The following GPM6A variants were observed in gnomAD, a reference collection of about 807,000 sequenced individuals.
The protein encoded by GPM6A is neuronal membrane glycoprotein M6-a.
Under a neutral mutation model 32.1 loss-of-function variants are expected in GPM6A, and 7 were observed. The observed-to-expected ratio is 0.22, with a 90% CI of 0.12 to 0.41. GPM6A has a LOEUF of 0.41. Among genes scored for constraint, GPM6A ranks in the 10% least tolerant of loss-of-function variants. GPM6A has a pLI of 1.00. For synonymous variants in GPM6A, 130 were observed against 123.4 expected (o/e 1.05, Z -0.35); for missense variants, 235 against 347.2 (o/e 0.68, Z 2.57).
intron 1 of GPM6A, among the ~76,000 whole-genome samples, chr4:175,927,350 A>G (rs1367521494): frequency 6.6e-6 from 1 of 152,276 alleles, no homozygotes; most frequent in Non-Finnish European, 1.5e-5. Flanking sequence ...TGTTTTCACT[A>G]TAAACAGAAG....
At chr4:175,900,405 T>C (rs931320035) in intron 1 of GPM6A, among the ~76,000 whole-genome samples, 6 of 145,468 alleles carry the variant, frequency 4.1e-5, no homozygotes, top group Non-Finnish European at 6.0e-5. Flanking sequence ...CCAGAATATA[T>C]AAGAAGCTCT....
chr4:175,893,025 A>G (rs1737692567), intron 1 of GPM6A, among the ~76,000 whole-genome samples: 1 of 152,168 alleles, frequency 6.6e-6, no homozygotes, highest in African/African-American at 2.4e-5. Flanking sequence ...TGAAAGCACT[A>G]TCTAAGCTTT....
At chr4:175,938,387 T>C (rs1042168369) in intron 1 of GPM6A, among the ~76,000 whole-genome samples, 2 of 152,234 alleles carry the variant, frequency 1.3e-5, no homozygotes, top group African/African-American at 4.8e-5. Flanking sequence ...AAAGCGTTCC[T>C]GTTTCTCCAC....
intron 1 of GPM6A, among the ~76,000 whole-genome samples, chr4:175,958,958 A>C (rs530719969): frequency 6.6e-6 from 1 of 152,358 alleles, no homozygotes; most frequent in Non-Finnish European, 1.5e-5. Flanking sequence ...GAAGAACATA[A>C]TGAGTGTCTG....
intron 1 of GPM6A, among the ~76,000 whole-genome samples, chr4:175,889,379 G>A (rs907234731): frequency 6.6e-6 from 1 of 152,062 alleles, no homozygotes; most frequent in African/African-American, 2.4e-5. Flanking sequence ...TTTAAAATTA[G>A]CCAGGCATGA....
At chr4:175,743,908 G>A (rs568447384) in intron 1 of GPM6A, among the ~76,000 whole-genome samples, 107 of 150,802 alleles carry the variant, frequency 7.1e-4, no homozygotes, top group African/African-American at 2.5e-3. Flanking sequence ...ATGAACAAAT[G>A]TAAAGTCATA....
chr4:175,815,688 A>G (rs1579534266), upstream of GPM6A, among the ~76,000 whole-genome samples: 1 of 149,646 alleles, frequency 6.7e-6, no homozygotes, highest in Non-Finnish European at 1.5e-5. Flanking sequence ...AGTCCTCATC[A>G]CTACAAATAT....
chr4:175,903,238 G>T (rs113714900), intron 1 of GPM6A, among the ~76,000 whole-genome samples: 3,546 of 152,000 alleles, frequency 0.023, 43 homozygotes, highest in Non-Finnish European at 0.035. Context: ...CCAAACTCAT[G>T]TCATTTGACT....
chr4:175,719,946 A>G (rs1746028379), intron 1 of GPM6A, among the ~76,000 whole-genome samples: 1 of 152,204 alleles, frequency 6.6e-6, no homozygotes, highest in Non-Finnish European at 1.5e-5. Flanking sequence ...CAAATGTTAT[A>G]GAAGAAACGT....
intron 1 of GPM6A, among the ~76,000 whole-genome samples, chr4:175,997,707 A>G (rs770854211): frequency 3.9e-5 from 6 of 152,182 alleles, no homozygotes; most frequent in Admixed American, 6.5e-5. Flanking sequence ...TCAAGACAAT[A>G]CTGTGTGTCA....
intron 1 of GPM6A, among the ~76,000 whole-genome samples, chr4:175,826,462 G>A (rs1372301666): frequency 6.6e-6 from 1 of 152,022 alleles, no homozygotes; most frequent in Non-Finnish European, 1.5e-5. Context: ...TGTGGTCATT[G>A]CATATTTCTG....
chr4:175,842,479 T>TC (rs1035431098), intron 1 of GPM6A, among the ~76,000 whole-genome samples: 1 of 152,110 alleles, frequency 6.6e-6, no homozygotes, highest in Non-Finnish European at 1.5e-5. Flanking sequence ...ACACTTGTGA[T>TC]CCCAACACTG....
At chr4:175,662,797 G>T (rs1742506001) in intron 3 of GPM6A, among the ~76,000 whole-genome samples, 1 of 151,986 alleles carries the variant, frequency 6.6e-6, no homozygotes, top group South Asian at 2.1e-4. Context: ...CTATCAGGAT[G>T]ATTTCTAAAT....
At chr4:175,968,306 C>T (rs772556364) in intron 1 of GPM6A, among the ~76,000 whole-genome samples, 2 of 152,030 alleles carry the variant, frequency 1.3e-5, no homozygotes, top group African/African-American at 2.4e-5. Context: ...ATGTAAACCA[C>T]AAAACTGTAA....
At chr4:175,765,133 A>T (rs191794336) in intron 1 of GPM6A, among the ~76,000 whole-genome samples, 2,144 of 152,030 alleles carry the variant, frequency 0.014, 20 homozygotes, top group Non-Finnish European at 0.022. Flanking sequence ...CTCGGCCCCC[A>T]CAAAGTGTTG....
intron 1 of GPM6A, among the ~76,000 whole-genome samples, chr4:175,863,790 C>A (rs2111425186): frequency 6.6e-6 from 1 of 152,116 alleles, no homozygotes; most frequent in South Asian, 2.1e-4. Context: ...CTCTTCGAGC[C>A]CAAGAGTTCA....
intron 1 of GPM6A, among the ~76,000 whole-genome samples, chr4:175,909,362 G>T (rs984479): frequency 0.92 from 139,329 of 152,168 alleles, 64,183 homozygotes; most frequent in Non-Finnish European, 0.97. Context: ...TCACATGTAT[G>T]ATCAGATTTA....
intron 1 of GPM6A, among the ~76,000 whole-genome samples, chr4:175,856,403 T>C (rs553933014): frequency 4.6e-4 from 70 of 152,278 alleles, no homozygotes; most frequent in Non-Finnish European, 8.8e-4. Flanking sequence ...CCATGGCAAG[T>C]GCTTTTGGGC....
At chr4:175,758,848 T>C (rs929087538) in intron 1 of GPM6A, among the ~76,000 whole-genome samples, 1 of 152,132 alleles carries the variant, frequency 6.6e-6, no homozygotes, top group African/African-American at 2.4e-5. Context: ...TTCAATTTTG[T>C]TTTTAAAAGG....
Sources: gnomAD v4.1 joint callset for allele counts (sites outside exome capture counted in the v4.1 genomes callset) on GRCh38, gnomAD v4.1.1 for gene constraint, MANE v1.5 for transcripts, NCBI Gene and HGNC (gene_info 2026-07-23, HGNC 2026-07-21) for gene names.